The following PTK2B variants were observed in gnomAD, a reference collection of about 807,000 sequenced individuals.
The protein encoded by PTK2B is protein-tyrosine kinase 2-beta.
PTK2B carries 71 observed loss-of-function variants against 142.9 expected under a neutral mutation model. That is an observed-to-expected ratio of 0.50 (90% CI 0.41 to 0.61). The LOEUF is 0.61. Among genes scored for constraint, PTK2B ranks in the 20% least tolerant of loss-of-function variants. The pLI is 0.00. For synonymous variants in PTK2B, 519 were observed against 503.4 expected (o/e 1.03, Z -0.42); for missense variants, 1,105 against 1,320.4 (o/e 0.84, Z 2.53).
In PTK2B at chr8:27,312,087, A is replaced by T. The variant is rs540503416; in HGVS notation, c.-580-217A>T. Among the ~76,000 whole-genome samples, 8 of 152,122 alleles carry T rather than the reference A, an allele frequency of 5.3e-5. No homozygotes were observed. In the East Asian group the frequency reaches 1.5e-3, roughly 29 times the overall value. On this transcript the variant is annotated intron_variant, in intron 1 of 35. Coordinates refer to the PTK2B transcript ENST00000397501. ...AGTTTAGCTGAGATAACTAGAGTTC[A>T]TGCTCAATTCTTGCCAGGTACAGTA...
chr8:27,312,332 G>A (rs986548844), exon 2 of PTK2B: 1 of 152,172 alleles, frequency 6.6e-6, no homozygotes, highest in Non-Finnish European at 1.5e-5. Context: ...AGCCCTGGAA[G>A]ACAGAATTCT....
At chr8:27,456,070 G>A (rs948043380) in intron 30 of PTK2B, among the ~76,000 whole-genome samples, 1 of 152,186 alleles carries the variant, frequency 6.6e-6, no homozygotes, top group Non-Finnish European at 1.5e-5. Context: ...GGGCTGTCTT[G>A]TCTCATTTAA....
intron 30 of PTK2B, among the ~76,000 whole-genome samples, chr8:27,457,552 T>C (rs1812210367): frequency 6.6e-6 from 1 of 152,210 alleles, no homozygotes; most frequent in South Asian, 2.1e-4. Flanking sequence ...ACTGAAAATA[T>C]TTTGGAAAGG....
At chr8:27,369,801 C>T (rs978192160) in intron 1 of PTK2B, among the ~76,000 whole-genome samples, 2 of 152,112 alleles carry the variant, frequency 1.3e-5, no homozygotes, top group East Asian at 3.9e-4. Flanking sequence ...ATGGCAAAAC[C>T]CCCTCTCTAC....
chr8:27,415,239 G>A (rs1305722903), intron 2 of PTK2B, among the ~76,000 whole-genome samples: 1 of 152,170 alleles, frequency 6.6e-6, no homozygotes, highest in Non-Finnish European at 1.5e-5. Flanking sequence ...ATGTACCCAA[G>A]CATATCCAGC....
At chr8:27,437,603 C>A in intron 17 of PTK2B, 107 bp downstream of exon 17, 1 of 1,202,648 alleles carries the variant, frequency 8.3e-7, no homozygotes, top group Non-Finnish European at 1.2e-6. Context: ...CTGAAATAAG[C>A]CAGAGGCCCT....
At chr8:27,330,661 T>A (rs993767522) in intron 1 of PTK2B, among the ~76,000 whole-genome samples, 4 of 152,098 alleles carry the variant, frequency 2.6e-5, no homozygotes, top group Non-Finnish European at 4.4e-5. Flanking sequence ...GCTTTTTGAG[T>A]CACTCTGCTA....
At chr8:27,342,508 C>T (rs1051036159) in intron 1 of PTK2B, among the ~76,000 whole-genome samples, 1 of 152,122 alleles carries the variant, frequency 6.6e-6, no homozygotes, top group Non-Finnish European at 1.5e-5. Context: ...TCCTTTCCTG[C>T]CCACAGCGCC....
intron 14 of PTK2B, 29 bp downstream of exon 14, chr8:27,435,822 G>T (rs546371431): frequency 1.2e-6 from 2 of 1,607,326 alleles, no homozygotes; most frequent in Admixed American, 3.3e-5. Flanking sequence ...CACAGCGACC[G>T]TAGTCAAGGC....
chr8:27,427,162 A>G lies in PTK2B; in HGVS notation c.552-2931A>G, dbSNP rs545325505. Among the ~76,000 whole-genome samples, 4 of 152,254 alleles carry G rather than the reference A, an allele frequency of 2.6e-5. No homozygotes were observed. In the East Asian group the frequency reaches 7.7e-4, roughly 29 times the overall value. On this transcript the variant is annotated intron_variant, in intron 5 of 30. Coordinates refer to ENST00000346049, the MANE Select transcript of PTK2B (RefSeq NM_173176.3). ...CTTCTATCTTCTGGCACCTTTAGAA[A>G]ACATACTGAGCCCGTGTTACCTGCT... is the stretch of plus-strand genomic sequence containing the variant.
rs374442178 is a variant in PTK2B at position 27,435,771 on chromosome 8, C to T, written c.1221C>T (p.Asp407=). 293 of 1,614,148 alleles carry T rather than the reference C, an allele frequency of 1.8e-4. 1 individual carries two copies. The highest frequency in any genetic ancestry group is 2.5e-4 in the East Asian group (11 of 44,884). The change falls in exon 14 of 31, where the codon GAC becomes GAT. Residue 407 remains aspartate, a synonymous_variant. Transcript: ENST00000346049. ...IESDIYAEIP[D]ETLRRPGGPQ... Reference sequence around the variant, plus strand: ...CAGACATCTACGCAGAGATTCCCGACGAAACCCTGCGAAGGCCCGGAGGTA... The same window carrying T: ...CAGACATCTACGCAGAGATTCCCGATGAAACCCTGCGAAGGCCCGGAGGTA...
At chr8:27,414,624 C>A (rs1370155027) in intron 2 of PTK2B, among the ~76,000 whole-genome samples, 2 of 10,172 alleles carry the variant, frequency 2.0e-4, no homozygotes, top group East Asian at 7.1e-4. Context: ...GTGTGTGTAT[C>A]TCTTTCTATC....
At chr8:27,431,791 C>T (rs2132041883) in intron 9 of PTK2B, among the ~76,000 whole-genome samples, 1 of 152,294 alleles carries the variant, frequency 6.6e-6, no homozygotes, top group South Asian at 2.1e-4. Context: ...CCTTGGAAGT[C>T]AGGGGACCTG....
intron 1 of PTK2B, among the ~76,000 whole-genome samples, chr8:27,334,957 C>G (rs1297735317): frequency 6.6e-5 from 10 of 152,194 alleles, no homozygotes; most frequent in Admixed American, 2.6e-4. Context: ...GTGAGTCTTG[C>G]CTTTCCCTTT....
intron 3 of PTK2B, among the ~76,000 whole-genome samples, chr8:27,314,785 A>G (rs1803057778): frequency 6.6e-6 from 1 of 152,182 alleles, no homozygotes; most frequent in Non-Finnish European, 1.5e-5. Context: ...TCTTTGTTCA[A>G]GATGCCAATA....
chr8:27,455,423 C>T (rs1812088382), intron 30 of PTK2B, among the ~76,000 whole-genome samples: 1 of 152,174 alleles, frequency 6.6e-6, no homozygotes, highest in South Asian at 2.1e-4. Context: ...GTGGCCTGTG[C>T]CTATAGTCCC....
At chr8:27,365,232 A>T (rs1805950252) in intron 1 of PTK2B, among the ~76,000 whole-genome samples, 1 of 152,158 alleles carries the variant, frequency 6.6e-6, no homozygotes, top group Non-Finnish European at 1.5e-5. Context: ...TTTGATGGCG[A>T]TATCTGTCTC....
intron 2 of PTK2B, among the ~76,000 whole-genome samples, chr8:27,404,461 C>T (rs62502405): frequency 0.011 from 1,737 of 152,294 alleles, 97 homozygotes; most frequent in Admixed American, 0.086. Context: ...ACATTCACAT[C>T]CTCAGGAGGG....
At chr8:27,455,034 A>G (rs150702179) in intron 30 of PTK2B, among the ~76,000 whole-genome samples, 1 of 152,294 alleles carries the variant, frequency 6.6e-6, no homozygotes, top group East Asian at 1.9e-4. Context: ...AATCAAAACA[A>G]GAGTCTTGGT....
Sources: allele counts gnomAD v4.1 joint callset (sites outside exome capture counted in the v4.1 genomes callset), GRCh38; gene constraint gnomAD v4.1.1; transcripts MANE v1.5; gene names NCBI Gene and HGNC (gene_info 2026-07-23, HGNC 2026-07-21).